The following MYH11 variants were observed in gnomAD, a reference collection of about 807,000 sequenced individuals.
MYH11 encodes the protein myosin heavy chain 11.
Under a neutral mutation model 246.6 loss-of-function variants are expected in MYH11, and 80 were observed. The ratio of observed to expected loss-of-function variants is 0.32; its 90% CI spans 0.27 to 0.39. The LOEUF is 0.39. Ranked by LOEUF, MYH11 falls within the 10% of genes least tolerant of loss-of-function variation. MYH11 has a pLI of 1.00. For missense variants in MYH11, 2,158 were observed against 2,546.8 expected, an observed-to-expected ratio of 0.85 and a Z score of 3.29; for synonymous variants, 1,071 against 1,015.5, an observed-to-expected ratio of 1.05 and a Z score of -1.04.
chr16:15,803,278 A>AT (rs59001579), intron 3 of MYH11, among the ~76,000 whole-genome samples: 65,662 of 143,514 alleles, frequency 0.46, 16,533 homozygotes, highest in African/African-American at 0.7. Flanking sequence ...AACCAGTTTA[A>AT]TTTTTTTTTT....
rs138977949 is a variant in MYH11, at chr16:15,741,520, C to T, written c.2802G>A (p.Glu934=). The T allele has an allele frequency of 3.4e-4, 549 of 1,609,664 alleles. 1 individual carries two copies. The highest frequency in any genetic ancestry group is 4.5e-4 in the Non-Finnish European group (528 of 1,180,016). ...CCTGTAGCTGCTGGCCCCTGTCTTC[C>T]TCCTCCTCCAGGCGGGCCTCCATCT... ...LHEMEARLEE[E]EDRGQQLQAE... Residue 934 remains glutamate (E), a synonymous_variant, in exon 22 of 41, where the codon GAG becomes GAA. Transcript: ENST00000300036.
chr16:15,794,437 G>T (rs1242192459), intron 4 of MYH11, among the ~76,000 whole-genome samples: 6 of 152,218 alleles, frequency 3.9e-5, no homozygotes, highest in African/African-American at 1.4e-4. Flanking sequence ...GGGCTGACTG[G>T]ATGCATTTGC....
chr16:15,749,801 T>G, intron 16 of MYH11: 1 of 445,284 alleles, frequency 2.2e-6, no homozygotes. Flanking sequence ...CTGCACCAGA[T>G]TATGAGAAAC....
intron 4 of MYH11, among the ~76,000 whole-genome samples, chr16:15,792,953 T>G (rs1378906057): frequency 6.6e-6 from 1 of 152,132 alleles, no homozygotes; most frequent in Non-Finnish European, 1.5e-5. Context: ...CAGGCTGGTC[T>G]TGAACTCCTG....
At chr16:15,733,804 A>G (rs1400075518) in intron 26 of MYH11, among the ~76,000 whole-genome samples, 1 of 152,124 alleles carries the variant, frequency 6.6e-6, no homozygotes, top group Non-Finnish European at 1.5e-5. Flanking sequence ...CAGCCTCCCA[A>G]AGTGCTGGGA....
At chr16:15,722,916 G>A (rs2040560915) in intron 31 of MYH11, among the ~76,000 whole-genome samples, 1 of 151,992 alleles carries the variant, frequency 6.6e-6, no homozygotes, top group Non-Finnish European at 1.5e-5. Context: ...GCTAATTTTG[G>A]TATTTTTAGT....
chr16:15,845,713 A>G (rs1309633051), intron 1 of MYH11, among the ~76,000 whole-genome samples: 2 of 151,784 alleles, frequency 1.3e-5, no homozygotes, highest in Non-Finnish European at 2.9e-5. Flanking sequence ...TGTGTGAGAG[A>G]GAGAGAGAGA....
intron 10 of MYH11, 55 bp downstream of exon 10, chr16:15,763,741 T>TCAGGCCCCC: frequency 1.5e-6 from 1 of 646,862 alleles, no homozygotes; most frequent in East Asian, 3.2e-5. Flanking sequence ...AAATGTCACC[T>TCAGGCCCCC]CCCCCACCCC....
Position 15,800,118 on chromosome 16 carries a change from G to A in MYH11, c.503-1431C>T, listed in dbSNP as rs2042846016. ...TGGGTGGGTGGATGGGCAGATGGGT[G>A]GGAAAATGGATGGATAGATGAGTAG... is the stretch of plus-strand genomic sequence containing the variant. On this transcript the variant is annotated intron_variant, in intron 3 of 40. Transcript: ENST00000300036. Among the ~76,000 whole-genome samples, 3 of 151,532 alleles carry A rather than the reference G, an allele frequency of 2.0e-5. No homozygotes were observed. The South Asian group carries it at 6.3e-4, about 32-fold the overall frequency.
At chr16:15,807,761 C>G (rs911653757) in intron 3 of MYH11, among the ~76,000 whole-genome samples, 9 of 152,186 alleles carry the variant, frequency 5.9e-5, no homozygotes, top group African/African-American at 1.9e-4. Context: ...AGACTCCCCA[C>G]CCAGCCTCGG....
intron 10 of MYH11, among the ~76,000 whole-genome samples, chr16:15,762,943 G>A (rs947755537): frequency 6.6e-6 from 1 of 152,122 alleles, no homozygotes; most frequent in Admixed American, 6.5e-5. Context: ...CCTAAGTTTT[G>A]CTCTCAGCTC....
rs192018194 is a variant in MYH11, at chr16:15,852,202, G to T, written c.-18+4739C>A. 2.2e-4 allele frequency among the ~76,000 whole-genome samples: 34 copies of T among 152,230 alleles called. No homozygotes were observed. The East Asian group carries it at 6.4e-3, about 29-fold the overall frequency. On this transcript the variant is annotated intron_variant, in intron 1 of 40. Coordinates refer to ENST00000300036, the MANE Select transcript of MYH11 (RefSeq NM_002474.3). ...TAACCAATGCCTGATGATGAGGTGG[G>T]ACAGTTTCATCCCAAAACCATCCTC...
chr16:15,823,330 T>C lies in MYH11; in HGVS notation c.427A>G (p.Lys143Glu), dbSNP rs1225067070. The part of the protein sequence containing the change: ...IYSEKIVDMY[K>E]GKKRHEMPPH... ...GGCATCTCGTGCCTCTTCTTGCCCT[T>C]GTACATGTCGACGATCTTCTCCGAG... Residue 143 changes from lysine (K) to glutamate (E), a missense_variant, in exon 3 of 41, where the codon AAG (lysine) becomes GAG (glutamate). By Grantham distance (56) the Lys-to-Glu change is moderately conservative. Transcript: ENST00000300036. The C allele has an allele frequency of 6.2e-7, 1 of 1,614,192 alleles. No homozygotes were observed. The highest frequency in any genetic ancestry group is 1.1e-5 in the South Asian group (1 of 91,088).
At chr16:15,805,101 T>G (rs1596870025) in intron 3 of MYH11, among the ~76,000 whole-genome samples, 1 of 152,184 alleles carries the variant, frequency 6.6e-6, no homozygotes, top group African/African-American at 2.4e-5. Context: ...TAGAGCTGAG[T>G]TGGAGACCTT....
chr16:15,715,372 C>CCG (rs1178868487), intron 38 of MYH11, 100 bp from the exon 39 acceptor site: 2 of 1,052,802 alleles, frequency 1.9e-6, no homozygotes, highest in Admixed American at 3.6e-5. Flanking sequence ...TTCCTGAGCC[C>CCG]CGTATCTGGA....
In MYH11 at chr16:15,759,612, C is replaced by T. The variant is rs1299737973; in HGVS notation, c.1365G>A (p.Leu455=). Residue 455 remains leucine (L), a synonymous_variant, in exon 12 of 41, where the codon CTG becomes CTA. Coordinates refer to ENST00000300036, the MANE Select transcript of MYH11 (RefSeq NM_002474.3). ...DKTHRQGASF[L]GILDIAGFEI... ...CAAATCCAGCTATATCCAGGATCCC[C>T]AGGAAGGAAGCCCCTTGCCGATGGG... 6.2e-7 allele frequency: 1 copy of T among 1,614,072 alleles called. No homozygotes were observed. Among genetic ancestry groups the T allele is most frequent in the East Asian group, 2.2e-5 (1 of 44,896 alleles).
At chr16:15,739,558 A>AG (rs1015249044) in intron 23 of MYH11, among the ~76,000 whole-genome samples, 1 of 152,182 alleles carries the variant, frequency 6.6e-6, no homozygotes, top group Non-Finnish European at 1.5e-5. Flanking sequence ...GGCTCACAGT[A>AG]GGGGCCAAGC....
At chr16:15,715,426 T>G in intron 38 of MYH11, among the ~76,000 whole-genome samples, 154 bp from the exon 39 acceptor site, 1 of 152,078 alleles carries the variant, frequency 6.6e-6, no homozygotes, top group Non-Finnish European at 1.5e-5. Context: ...TATTCAGCCA[T>G]GAAAAGGAAT....
At chr16:15,822,457 T>C (rs2043439356) in intron 3 of MYH11, among the ~76,000 whole-genome samples, 1 of 152,106 alleles carries the variant, frequency 6.6e-6, no homozygotes, top group Admixed American at 6.6e-5. Flanking sequence ...AGTGGGAGGA[T>C]CGCCTGAGGC....
Sources: allele counts gnomAD v4.1 joint callset (sites outside exome capture counted in the v4.1 genomes callset), GRCh38; gene constraint gnomAD v4.1.1; transcripts MANE v1.5; gene names NCBI Gene and HGNC (gene_info 2026-07-23, HGNC 2026-07-21).